The following DDX60 variants were observed in gnomAD, a reference collection of about 807,000 sequenced individuals.
DDX60 encodes DExD/H-box helicase 60.
DDX60 carries 165 observed loss-of-function variants against 212.8 expected under a neutral mutation model. The observed-to-expected ratio is 0.78, with a 90% CI of 0.68 to 0.88. DDX60 has a LOEUF of 0.88. Ranked by LOEUF, DDX60 falls within the 40% of genes least tolerant of loss-of-function variation. The pLI is 0.00. For synonymous variants in DDX60, 703 were observed against 685.3 expected (o/e 1.03, Z -0.40); for missense variants, 1,905 against 2,003.9 (o/e 0.95, Z 0.94).
chr4:168,217,118 G>A (rs2149488070), intron 37 of DDX60, 86 bp from the exon 38 acceptor site: 1 of 789,658 alleles, frequency 1.3e-6, no homozygotes, highest in Non-Finnish European at 2.1e-6. Context: ...CAGAAGTAAG[G>A]AAATCCCATC....
chr4:168,305,336 T>C (rs377258120), intron 5 of DDX60, among the ~76,000 whole-genome samples: 69 of 152,278 alleles, frequency 4.5e-4, no homozygotes, highest in African/African-American at 1.4e-3. Context: ...ATGGCAACCA[T>C]GTGGATATTT....
At chr4:168,280,698 C>T (rs774975950) in intron 13 of DDX60, 108 bp from the exon 14 acceptor site, 91 of 1,248,918 alleles carry the variant, frequency 7.3e-5, no homozygotes, top group Non-Finnish European at 9.5e-5. Context: ...GACCATCATC[C>T]CATTTTGAGT....
At chr4:168,254,813 G>A (rs568182711) in intron 26 of DDX60, among the ~76,000 whole-genome samples, 4 of 152,148 alleles carry the variant, frequency 2.6e-5, no homozygotes, top group East Asian at 1.9e-4. Flanking sequence ...TCAGTTCATG[G>A]AAAGGAAGAG....
chr4:168,253,414 T>C (rs72975334), intron 26 of DDX60, among the ~76,000 whole-genome samples: 10,075 of 152,092 alleles, frequency 0.066, 1,038 homozygotes, highest in African/African-American at 0.23. Context: ...CTACAGCTGC[T>C]TTGAGTTGGG....
In DDX60 at chr4:168,243,234, A is replaced by G. The variant is rs574212928; in HGVS notation, c.4164+3184T>C. On this transcript the variant is annotated intron_variant, in intron 30 of 37. Coordinates refer to ENST00000393743, the MANE Select transcript of DDX60 (RefSeq NM_017631.6). Reference sequence around the variant, plus strand: ...GAATAATACAATGATGAAAATGCCCAAAGCAATTGCAACAAAAGCAAACAC... The same window carrying G: ...GAATAATACAATGATGAAAATGCCCGAAGCAATTGCAACAAAAGCAAACAC... 2.0e-5 allele frequency among the ~76,000 whole-genome samples: 3 copies of G among 152,352 alleles called. No homozygotes were observed. In the East Asian group the frequency reaches 5.8e-4, roughly 29 times the overall value.
intron 33 of DDX60, 28 bp from the exon 34 acceptor site, chr4:168,225,704 T>C: frequency 6.3e-7 from 1 of 1,599,542 alleles, no homozygotes; most frequent in Non-Finnish European, 8.5e-7. Flanking sequence ...TTCATAGAGA[T>C]AGATCTATTT....
At chr4:168,276,790 A>G (rs916331034) in intron 14 of DDX60, among the ~76,000 whole-genome samples, 3 of 152,246 alleles carry the variant, frequency 2.0e-5, no homozygotes, top group African/African-American at 4.8e-5. Context: ...ATTTAACAAT[A>G]TTAACTAACA....
intron 13 of DDX60, among the ~76,000 whole-genome samples, chr4:168,281,620 T>C (rs749573597): frequency 6.6e-6 from 1 of 152,214 alleles, no homozygotes; most frequent in African/African-American, 2.4e-5. Context: ...AAACATAGTA[T>C]GGACCCACTT....
At chr4:168,291,992 C>CAAAGG in intron 7 of DDX60, 86 bp from the exon 8 acceptor site, 3 of 788,752 alleles carry the variant, frequency 3.8e-6, no homozygotes, top group Non-Finnish European at 5.6e-6. Context: ...AAGCTGACAG[C>CAAAGG]TACCTTTGCT....
rs1671315 is a variant in DDX60, at chr4:168,260,585, C to A, written c.3398+280G>T. On this transcript the variant is annotated intron_variant, in intron 25 of 37. Coordinates refer to ENST00000393743, the MANE Select transcript of DDX60 (RefSeq NM_017631.6). ...GGGGGATGGTTTCAGGATGAAACTG[C>A]CCCACCTCAGATCACCAGACATTCG... Among the ~76,000 whole-genome samples the A allele has an allele frequency of 0.04, 6,033 of 152,134 alleles. 259 individuals are homozygous for A. The highest frequency in any genetic ancestry group is 0.11 in the African/African-American group (4,421 of 41,462).
At chr4:168,266,383 T>C (rs1291413642) in intron 22 of DDX60, among the ~76,000 whole-genome samples, 3 of 152,206 alleles carry the variant, frequency 2.0e-5, no homozygotes, top group Non-Finnish European at 4.4e-5. Flanking sequence ...GACACAAAAT[T>C]TGTCTTCAAA....
chr4:168,235,670 T>C (rs1480775674), intron 33 of DDX60, among the ~76,000 whole-genome samples: 1 of 152,140 alleles, frequency 6.6e-6, no homozygotes, highest in Non-Finnish European at 1.5e-5. Flanking sequence ...TATCCCATTT[T>C]ATTCTAGGGA....
chr4:168,258,472 T>C (rs1734502171), intron 25 of DDX60, among the ~76,000 whole-genome samples: 4 of 152,006 alleles, frequency 2.6e-5, no homozygotes, highest in Middle Eastern at 3.4e-3. Flanking sequence ...GCAAAAGGCT[T>C]AAGGGTACAC....
intron 32 of DDX60, 102 bp downstream of exon 32, chr4:168,237,184 T>TAAATAATCTAC: frequency 2.6e-6 from 2 of 776,710 alleles, no homozygotes; most frequent in Non-Finnish European, 3.6e-6. Context: ...ATATTAATTG[T>TAAATAATCTAC]ATTTTCTTTA....
intron 30 of DDX60, 146 bp downstream of exon 30, chr4:168,246,272 A>G: frequency 1.1e-6 from 1 of 933,710 alleles, no homozygotes; most frequent in Non-Finnish European, 1.6e-6. Context: ...GCTACCCCCA[A>G]TTCTATACGA....
Position 168,273,941 on chromosome 4 carries a change from G to T in DDX60, c.2447C>A (p.Pro816His). The T allele has an allele frequency of 6.2e-7, 1 of 1,613,276 alleles. No homozygotes were observed. The highest frequency in any genetic ancestry group is 8.5e-7 in the Non-Finnish European group (1 of 1,179,564). ...TAGTCACTTGAGCACTACCTTTGTG[G>T]GTGCAACGTACACGACCACCCCGTC... ...SDDGVVVYVA[P>H]TKALVNQVAA... The change falls in exon 17 of 38, where the codon CCC becomes CAC. Residue 816 changes from proline to histidine, a missense_variant. Transcript: ENST00000393743.
intron 25 of DDX60, among the ~76,000 whole-genome samples, chr4:168,257,117 G>C (rs1313140849): frequency 3.3e-5 from 5 of 152,320 alleles, no homozygotes; most frequent in African/African-American, 9.6e-5. Context: ...CTGAAGTCAG[G>C]AGTTCGAGAC....
At chr4:168,265,256 T>C (rs1734793411) in intron 22 of DDX60, among the ~76,000 whole-genome samples, 2 of 152,202 alleles carry the variant, frequency 1.3e-5, no homozygotes, top group Non-Finnish European at 2.9e-5. Context: ...AGGACCCAGG[T>C]GGATGGCCGT....
chr4:168,307,355 G>A (rs756260759), intron 4 of DDX60, among the ~76,000 whole-genome samples: 4 of 152,126 alleles, frequency 2.6e-5, no homozygotes, highest in Non-Finnish European at 4.4e-5. Flanking sequence ...ATTTGAAATT[G>A]TTAAAAATTA....
Sources: gnomAD v4.1 joint callset for allele counts (sites outside exome capture counted in the v4.1 genomes callset) on GRCh38, gnomAD v4.1.1 for gene constraint, MANE v1.5 for transcripts, NCBI Gene and HGNC (gene_info 2026-07-23, HGNC 2026-07-21) for gene names.